BAIAP2: variants seen among roughly 807,000 people sequenced by gnomAD.
BAIAP2 encodes BAR/IMD domain-containing adapter protein 2.
Under a neutral mutation model 63.0 loss-of-function variants are expected in BAIAP2, and 18 were observed. The ratio of observed to expected loss-of-function variants is 0.29; its 90% confidence interval spans 0.20 to 0.42. The LOEUF (loss-of-function observed/expected upper bound fraction) is 0.42. Among genes scored for constraint, BAIAP2 ranks in the 10% least tolerant of loss-of-function variants. BAIAP2 has a pLI of 1.00. For missense variants in BAIAP2, 610 were observed against 734.3 expected, an observed-to-expected ratio of 0.83 and a Z score of 1.96; for synonymous variants, 386 against 307.6, an observed-to-expected ratio of 1.25 and a Z score of -2.67.
At chr17:81,044,245 A>G (rs555998155) in intron 1 of BAIAP2, among the ~76,000 whole-genome samples, 1 of 152,222 alleles carries the variant, frequency 6.6e-6, no homozygotes, top group African/African-American at 2.4e-5. Context: ...CAGTGCCTTC[A>G]CAGGGAGGGG....
rs58168855 is a variant in BAIAP2, at chr17:81,072,947, A to G, written c.218-11885A>G. Reference sequence around the variant, plus strand: ...TTAATCCCGGGTGCCGGGTACAAACATGCACGCTTCCCTGATGAGAAAATG... The same window carrying G: ...TTAATCCCGGGTGCCGGGTACAAACGTGCACGCTTCCCTGATGAGAAAATG... On this transcript the variant is annotated intron_variant, in intron 3 of 13. Transcript: ENST00000428708. Among the ~76,000 whole-genome samples, 1,041 of 151,986 alleles carry G rather than the reference A, an allele frequency of 6.8e-3. 10 individuals are homozygous for G. Among genetic ancestry groups the G allele is most frequent in the African/African-American group, 0.024 (992 of 41,434 alleles).
intron 3 of BAIAP2, among the ~76,000 whole-genome samples, chr17:81,068,976 G>C (rs1444113622): frequency 1.3e-5 from 2 of 152,180 alleles, no homozygotes; most frequent in African/African-American, 2.4e-5. Flanking sequence ...TTGACGACTT[G>C]TCTGGCACTG....
At chr17:81,099,742 T>G (rs2058235816) in intron 6 of BAIAP2, among the ~76,000 whole-genome samples, 186 bp from the exon 7 acceptor site, 2 of 152,068 alleles carry the variant, frequency 1.3e-5, no homozygotes, top group Non-Finnish European at 2.9e-5. Context: ...TCCTGAGTGG[T>G]CCCGGGGTAG....
At chr17:81,057,581 C>T in intron 2 of BAIAP2, 1 of 1,088,298 alleles carries the variant, frequency 9.2e-7, no homozygotes, top group Non-Finnish European at 1.1e-6. Flanking sequence ...CCCCCCGGCC[C>T]TGCCTGGTAG....
At chr17:81,055,927 G>C (rs111815788) in intron 2 of BAIAP2, among the ~76,000 whole-genome samples, 20,223 of 152,042 alleles carry the variant, frequency 0.13, 1,654 homozygotes, top group Non-Finnish European at 0.18. Flanking sequence ...CCGTCCCCCA[G>C]CCAGGAGCTT....
rs181239284 is a variant in BAIAP2 at position 81,112,821 on chromosome 17, C to T, written c.1536-2949C>T. 7.2e-5 allele frequency among the ~76,000 whole-genome samples: 11 copies of T among 152,192 alleles called. No homozygotes were observed. In the East Asian group the frequency reaches 1.9e-3, roughly 27 times the overall value. On this transcript the variant is annotated intron_variant, in intron 13 of 13. Transcript: ENST00000428708. ...ATCCCAGCACTTAGGGAGGCTGAGGCGAGAGGATCTCTTGAGCCCAGGGGT... is the reference window on the plus strand; with the variant it reads ...ATCCCAGCACTTAGGGAGGCTGAGGTGAGAGGATCTCTTGAGCCCAGGGGT...
chr17:81,098,106 G>A, intron 6 of BAIAP2: 1 of 1,384,328 alleles, frequency 7.2e-7, no homozygotes, highest in Non-Finnish European at 9.4e-7. Context: ...GGCCAGCGGG[G>A]GGTGGGGAGG....
intron 10 of BAIAP2, chr17:81,105,187 A>AATGGCTCGGGTCTCCCCCAC (rs1225650845): frequency 1.3e-5 from 2 of 149,812 alleles, no homozygotes; most frequent in African/African-American, 5.1e-5. Context: ...GTCTCCCCCC[A>AATGGCTCGGGTCTCCCCCAC]ATGGCTCGGG....
chr17:81,045,397 G>A (rs2143741357), intron 1 of BAIAP2, among the ~76,000 whole-genome samples: 1 of 152,264 alleles, frequency 6.6e-6, no homozygotes, highest in South Asian at 2.1e-4. Context: ...CTTAGTGTTG[G>A]CATTTGTCCC....
rs60239429 is a variant in BAIAP2 at position 81,117,174 on chromosome 17, G to GGAGGA, written c.*1345_*1349dup. 0.12 allele frequency: 17,779 copies of GGAGGA among 152,170 alleles called. 1,317 individuals are homozygous for GGAGGA. The highest frequency in any genetic ancestry group is 0.22 in the African/African-American group (9,072 of 41,400). The allele number at this position is 152,170 out of a possible 1,614,324, so 9.4% of individuals were successfully genotyped here. ...CACCGGGGTGTGCCGAGGACAGTGG[G>GGAGGA]GAGGAGAGGAGAGGGGCAGCTTCCT... On this transcript the variant is annotated 3_prime_UTR_variant, in exon 14 of 14. Transcript: ENST00000428708.
At chr17:81,113,546 C>T (rs575012217) in intron 13 of BAIAP2, among the ~76,000 whole-genome samples, 19 of 152,340 alleles carry the variant, frequency 1.2e-4, no homozygotes, top group Admixed American at 5.2e-4. Flanking sequence ...GAAATAGGGA[C>T]GCCCAGCCCC....
intron 1 of BAIAP2, 48 bp from the exon 2 acceptor site, chr17:81,053,620 C>T (rs2049015320): frequency 6.2e-7 from 1 of 1,607,392 alleles, no homozygotes; most frequent in Non-Finnish European, 8.5e-7. Flanking sequence ...TCGGAGTCAC[C>T]AGGGTGACCT....
At position 81,080,632 on chromosome 17, in the gene BAIAP2, G is replaced by C. The variant is rs1389221751; in HGVS notation, c.218-4200G>C. Among the ~76,000 whole-genome samples, 5 of 152,222 alleles carry C rather than the reference G, an allele frequency of 3.3e-5. No individual in the cohort carries two copies. The South Asian group carries it at 6.2e-4, about 19-fold the overall frequency. Reference sequence around the variant, plus strand: ...ATTTGTTGTTGGCTGTTGTCTTCCAGATGTTCCTCTTGACTCCATTGTGTG... The same window carrying C: ...ATTTGTTGTTGGCTGTTGTCTTCCACATGTTCCTCTTGACTCCATTGTGTG... On this transcript the variant is annotated intron_variant, in intron 3 of 13. Transcript: ENST00000428708.
intron 1 of BAIAP2, among the ~76,000 whole-genome samples, chr17:81,049,007 AC>A (rs34429122): frequency 1.9e-4 from 29 of 151,748 alleles, no homozygotes; most frequent in South Asian, 2.1e-4. Flanking sequence ...CCGGCCCAGG[AC>A]CCCCCCTGGG....
chr17:81,083,748 G>C (rs879661780), intron 3 of BAIAP2: 1 of 152,232 alleles, frequency 6.6e-6, no homozygotes, highest in Middle Eastern at 3.2e-3. Flanking sequence ...GCACCTGCTG[G>C]CCTTGGCGGT....
chr17:81,098,962 G>GTCCCCCCGTCCCCCCA (rs1555678143), intron 6 of BAIAP2, among the ~76,000 whole-genome samples: 2 of 137,876 alleles, frequency 1.5e-5, no homozygotes, highest in East Asian at 4.1e-4. Context: ...CATTCTCCCC[G>GTCCCCCCGTCCCCCCA]TCCCCCCATC....
chr17:81,101,011 G>A (rs148043131), intron 7 of BAIAP2, among the ~76,000 whole-genome samples: 172 of 152,198 alleles, frequency 1.1e-3, no homozygotes, highest in African/African-American at 3.9e-3. Context: ...TCCTTGGGCC[G>A]GTAGACTCTT....
chr17:81,094,334 C>G (rs578257920), intron 6 of BAIAP2, among the ~76,000 whole-genome samples: 1 of 152,180 alleles, frequency 6.6e-6, no homozygotes, highest in East Asian at 1.9e-4. Flanking sequence ...CATCCCAATA[C>G]CAAGCTGTGG....
At chr17:81,108,582 G>A (rs933972941) in intron 13 of BAIAP2, 73 bp downstream of exon 13, 24 of 1,572,822 alleles carry the variant, frequency 1.5e-5, no homozygotes, top group Non-Finnish European at 2.1e-5. Context: ...AGGTCCCTCT[G>A]CTAGGACCTG....
Sources: allele counts gnomAD v4.1 joint callset (sites outside exome capture counted in the v4.1 genomes callset), GRCh38; gene constraint gnomAD v4.1.1; transcripts MANE v1.5; gene names NCBI Gene and HGNC (gene_info 2026-07-23, HGNC 2026-07-21).